Variants in SIM1 observed in about 807,000 individuals in gnomAD.
SIM1 encodes single-minded homolog 1.
In SIM1, 18 loss-of-function variants were observed where a neutral mutation model predicts 78.2. The ratio of observed to expected loss-of-function variants is 0.23; its 90% CI spans 0.16 to 0.34. The LOEUF is 0.34. Ranked by LOEUF, SIM1 falls within the 10% of genes least tolerant of loss-of-function variation. The pLI, the probability that SIM1 is intolerant of heterozygous loss-of-function variation, is 1.00. For synonymous variants in SIM1, 417 were observed against 385.2 expected, an observed-to-expected ratio of 1.08 and a Z score of -0.97; for missense variants, 939 against 975.1, an observed-to-expected ratio of 0.96 and a Z score of 0.49.
rs192307167 is a variant in SIM1, at chr6:100,450,237, G to T, written c.348+30C>A. 22 of 1,576,184 alleles carry T rather than the reference G, an allele frequency of 1.4e-5. No homozygotes were observed. The Admixed American group carries it at 3.2e-4, about 23-fold the overall frequency. ...GCTTCCAGCTCTGGCTGTAAACACT[G>T]CAGGTGGGATATGTGAACCACTCAC... is the stretch of plus-strand genomic sequence containing the variant. On this transcript the variant is annotated intron_variant, in intron 4 of 11. Coordinates refer to ENST00000369208, the MANE Select transcript of SIM1 (RefSeq NM_005068.3).
chr6:100,396,262 G>A (rs923963579), intron 10 of SIM1, among the ~76,000 whole-genome samples: 3 of 151,964 alleles, frequency 2.0e-5, no homozygotes, highest in Non-Finnish European at 4.4e-5. Flanking sequence ...GTTATTCCAA[G>A]CTAGGAGTTG....
intron 10 of SIM1, among the ~76,000 whole-genome samples, chr6:100,417,242 T>A (rs144707118): frequency 3.2e-4 from 49 of 152,352 alleles, no homozygotes; most frequent in Admixed American, 9.8e-4. Context: ...TTTCCTCAGC[T>A]AGGCCAGAGT....
intron 9 of SIM1, among the ~76,000 whole-genome samples, chr6:100,429,185 A>G (rs772544540): frequency 2.0e-5 from 3 of 152,210 alleles, no homozygotes; most frequent in African/African-American, 7.2e-5. Flanking sequence ...TTTGGCCAAC[A>G]TGGTGAAACC....
At chr6:100,461,837 C>CTTTT (rs1225684730) in intron 2 of SIM1, among the ~76,000 whole-genome samples, 3 of 72,874 alleles carry the variant, frequency 4.1e-5, no homozygotes, top group African/African-American at 1.7e-4. Context: ...TTCTTTCTTT[C>CTTTT]TTTCTTTTTT....
At chr6:100,420,439 C>CATCGAGCTCTTGTTTCCTGT (rs1473003641) in intron 10 of SIM1, among the ~76,000 whole-genome samples, 3 of 152,176 alleles carry the variant, frequency 2.0e-5, no homozygotes, top group African/African-American at 7.2e-5. Context: ...CATTTTTCTA[C>CATCGAGCTCTTGTTTCCTGT]ATCGAGCTCT....
In SIM1 at chr6:100,453,826, C is replaced by T. The variant is rs1449910709; in HGVS notation, c.194G>A (p.Gly65Asp). The T allele has an allele frequency of 6.2e-7, 1 of 1,611,836 alleles. No homozygotes were observed. Among genetic ancestry groups the T allele is most frequent in the Non-Finnish European group, 8.5e-7 (1 of 1,179,036 alleles). The change falls in exon 3 of 12, where the codon GGC (glycine) becomes GAC (aspartate). Residue 65 changes from glycine to aspartate, a missense_variant. This residue lies in a region of SIM1 where 121 missense variants were observed against 124.6 expected (regional missense o/e 0.97). Transcript: ENST00000369208. ...VFPEGLGEAW[G>D]HSSRTSPLDN... ...CAGGGGGCTGGTCCGACTTGAGTGGCCCCACGCCTCGCCGAGCCCTGTGGA... is the reference window on the plus strand; with the variant it reads ...CAGGGGGCTGGTCCGACTTGAGTGGTCCCACGCCTCGCCGAGCCCTGTGGA...
At chr6:100,412,683 A>AAAAGAAAGAAAGAAAGAAAG (rs373803181) in intron 10 of SIM1, among the ~76,000 whole-genome samples, 9 of 77,112 alleles carry the variant, frequency 1.2e-4, no homozygotes, top group Admixed American at 3.1e-4. Context: ...GAAAGAAAGA[A>AAAAGAAAGAAAGAAAGAAAG]AAAGAAAGAA....
intron 9 of SIM1, among the ~76,000 whole-genome samples, chr6:100,440,828 T>C (rs888677195): frequency 6.6e-6 from 1 of 152,172 alleles, no homozygotes; most frequent in Non-Finnish European, 1.5e-5. Context: ...TTTTACTAAA[T>C]TATGAAGATA....
intron 10 of SIM1, among the ~76,000 whole-genome samples, chr6:100,420,132 C>G (rs1216182456): frequency 6.6e-6 from 1 of 152,166 alleles, no homozygotes; most frequent in African/African-American, 2.4e-5. Flanking sequence ...TTGACACAGT[C>G]TAGTTTATAT....
chr6:100,459,302 C>T (rs1316118739), intron 2 of SIM1, among the ~76,000 whole-genome samples: 8 of 152,182 alleles, frequency 5.3e-5, no homozygotes, highest in Non-Finnish European at 1.2e-4. Flanking sequence ...CAATTTCTAG[C>T]ATATAAATCC....
Position 100,393,815 on chromosome 6 carries a change from C to A in SIM1, c.1242G>T (p.Thr414=), listed in dbSNP as rs760403107. 3 of 1,612,470 alleles carry A rather than the reference C, an allele frequency of 1.9e-6. No homozygotes were observed. The highest frequency in any genetic ancestry group is 2.2e-5 in the East Asian group (1 of 44,836). The change falls in exon 11 of 12, where the codon ACG becomes ACT. Residue 414 remains threonine, a synonymous_variant. Transcript: ENST00000369208. ...CGGGGTCCAGAAGCTGCGGAGAGGC[C>A]GTGTCGGTCAAGGGACTTCCGCCCC... ...SQWGGSPLTD[T]ASPQLLDPAD... is the part of the protein sequence containing the mutation.
At chr6:100,400,883 T>C (rs1191252401) in intron 10 of SIM1, among the ~76,000 whole-genome samples, 1 of 152,074 alleles carries the variant, frequency 6.6e-6, no homozygotes, top group African/African-American at 2.4e-5. Context: ...TGGGCACAGA[T>C]GATCATGGAT....
rs558827720 is a variant in SIM1 at position 100,391,054 on chromosome 6, A to G, written c.1608T>C (p.Ser536=). The change falls in exon 12 of 12, where the codon TCT becomes TCC. Residue 536 remains serine (S), a synonymous_variant. Coordinates refer to ENST00000369208, the MANE Select transcript of SIM1 (RefSeq NM_005068.3). The part of the protein sequence containing the change: ...GHWDEDSVVS[S]PDPGSASESG... ...ATTCACTGGCCGACCCAGGGTCTGG[A>G]GAACTGACCACACTATCTTCATCCC... 1.2e-6 allele frequency: 2 copies of G among 1,613,402 alleles called. No individual in the cohort carries two copies. Among genetic ancestry groups the G allele is most frequent in the East Asian group, 2.2e-5 (1 of 44,884 alleles).
chr6:100,409,869 A>T (rs1771149585), intron 10 of SIM1, among the ~76,000 whole-genome samples: 1 of 152,188 alleles, frequency 6.6e-6, no homozygotes, highest in Admixed American at 6.5e-5. Context: ...TTAGTTTCAT[A>T]CAACTTTTGT....
chr6:100,462,881 G>A (rs1772890148), intron 2 of SIM1: 1 of 160,492 alleles, frequency 6.2e-6, no homozygotes, highest in Admixed American at 6.3e-5. Flanking sequence ...CAGGTACATG[G>A]GTCTATCCAC....
intron 10 of SIM1, among the ~76,000 whole-genome samples, chr6:100,412,683 AAAAGAAAGAAAGAAAGAAAG>A (rs373803181): frequency 0.019 from 1,439 of 77,038 alleles, 27 homozygotes; most frequent in Admixed American, 0.028. Flanking sequence ...GAAAGAAAGA[AAAAGAAAGAAAGAAAGAAAG>A]AAAGAAAGAA....
In SIM1 at chr6:100,388,185, C is replaced by A. The variant is rs1770554971; in HGVS notation, c.*2176G>T. ...ACTTAGTTTTTATTGTATGGTCACC[C>A]CTTGGTATAAACAGGGAGTTGGTTC... is the stretch of plus-strand genomic sequence containing the variant. On this transcript the variant is annotated 3_prime_UTR_variant, in exon 12 of 12. Coordinates refer to ENST00000369208, the MANE Select transcript of SIM1 (RefSeq NM_005068.3). The A allele has an allele frequency of 6.6e-6, 1 of 152,028 alleles. No homozygotes were observed. The highest frequency in any genetic ancestry group is 1.5e-5 in the Non-Finnish European group (1 of 67,994). 9.4% of individuals were successfully genotyped at this position (152,028 alleles called of 1,614,324 possible).
chr6:100,411,341 T>C (rs190802016), intron 10 of SIM1, among the ~76,000 whole-genome samples: 1 of 152,358 alleles, frequency 6.6e-6, no homozygotes, highest in African/African-American at 2.4e-5. Flanking sequence ...AGTTCAGGAC[T>C]GGAAACCCTG....
intron 9 of SIM1, among the ~76,000 whole-genome samples, chr6:100,435,040 C>T (rs1024571477): frequency 1.3e-5 from 2 of 152,098 alleles, no homozygotes; most frequent in East Asian, 1.9e-4. Context: ...GTGGGTGACA[C>T]GTTGATTGTT....
Sources: gnomAD v4.1 joint callset for allele counts (sites outside exome capture counted in the v4.1 genomes callset) on GRCh38, gnomAD v4.1.1 for gene constraint, gnomAD v4.1.1 regional missense constraint, MANE v1.5 for transcripts, NCBI Gene and HGNC (gene_info 2026-07-23, HGNC 2026-07-21) for gene names.